The following FAR2 variants were observed in gnomAD, a reference collection of about 807,000 sequenced individuals.
The protein encoded by FAR2 is epididymis secretory protein Li 81.
FAR2 carries 19 observed loss-of-function variants against 56.0 expected under a neutral mutation model. The ratio of observed to expected loss-of-function variants is 0.34; its 90% CI spans 0.24 to 0.50. The LOEUF is 0.50. Among genes scored for constraint, FAR2 ranks in the 20% least tolerant of loss-of-function variants. The pLI, the probability that FAR2 is intolerant of heterozygous loss-of-function variation, is 0.98. For synonymous variants in FAR2, 219 were observed against 218.8 expected (o/e 1.00, Z -0.01); for missense variants, 508 against 642.2 (o/e 0.79, Z 2.26).
chr12:29,241,690 A>G (rs915666860), intron 1 of FAR2, among the ~76,000 whole-genome samples: 3 of 152,184 alleles, frequency 2.0e-5, no homozygotes, highest in African/African-American at 7.2e-5. Flanking sequence ...TCCCAGATCA[A>G]TATTTGAAAT....
chr12:29,307,386 G>C (rs535310710), intron 4 of FAR2, among the ~76,000 whole-genome samples: 2 of 146,118 alleles, frequency 1.4e-5, no homozygotes, highest in African/African-American at 2.5e-5. Flanking sequence ...TGATTCTATC[G>C]GTCTATCTAC....
intron 3 of FAR2, 37 bp downstream of exon 3, chr12:29,293,512 A>C (rs372240597): frequency 4.6e-5 from 62 of 1,343,798 alleles, no homozygotes; most frequent in Non-Finnish European, 5.6e-5. Context: ...TTGTATACAT[A>C]TGTGTGCATG....
rs11325990 is a variant in FAR2 at position 29,178,183 on chromosome 12, T to TA, written c.-39+28789dup. Among the ~76,000 whole-genome samples the TA allele has an allele frequency of 8.4e-3, 1,244 of 148,394 alleles. 21 individuals are homozygous for TA. The highest frequency in any genetic ancestry group is 0.028 in the African/African-American group (1,113 of 40,146). Reference sequence around the variant, plus strand: ...AGATTAGTTGTAACCATTATAACAATAAAAAAAAAAAAAGAAATTGGAGTA... The same window carrying TA: ...AGATTAGTTGTAACCATTATAACAATAAAAAAAAAAAAAAGAAATTGGAGTA... On this transcript the variant is annotated intron_variant, in intron 1 of 11. Coordinates refer to ENST00000536681, the MANE Select transcript of FAR2 (RefSeq NM_001271783.2).
intron 1 of FAR2, among the ~76,000 whole-genome samples, chr12:29,224,120 G>A (rs1385693060): frequency 6.6e-6 from 1 of 152,176 alleles, no homozygotes; most frequent in Non-Finnish European, 1.5e-5. Flanking sequence ...TTAAAAATAA[G>A]TACTTGGTTC....
chr12:29,165,624 C>T (rs1949819133), intron 1 of FAR2, among the ~76,000 whole-genome samples: 1 of 152,142 alleles, frequency 6.6e-6, no homozygotes, highest in South Asian at 2.1e-4. Context: ...TTAAAAGTAG[C>T]ATCATATTTG....
At chr12:29,331,620 C>A (rs1439893424) in intron 10 of FAR2, 2 of 151,948 alleles carry the variant, frequency 1.3e-5, no homozygotes, top group African/African-American at 4.8e-5. Flanking sequence ...ATTTGAAGAT[C>A]ATTTCCCTCC....
intron 1 of FAR2, chr12:29,171,232 A>T (rs1339518833): frequency 6.5e-6 from 1 of 152,876 alleles, no homozygotes; most frequent in Non-Finnish European, 1.5e-5. Context: ...AGGCACCCTC[A>T]GTCCTGTTGT....
chr12:29,228,078 A>G (rs932370716), intron 1 of FAR2, among the ~76,000 whole-genome samples: 5 of 151,858 alleles, frequency 3.3e-5, no homozygotes, highest in African/African-American at 9.7e-5. Context: ...ACATGTATAC[A>G]TATGTAACAA....
At chr12:29,292,455 T>C (rs1363380435) in intron 2 of FAR2, 3 of 152,246 alleles carry the variant, frequency 2.0e-5, no homozygotes, top group African/African-American at 7.2e-5. Context: ...ATTCAACATA[T>C]GTTTGTTGTA....
intron 1 of FAR2, among the ~76,000 whole-genome samples, chr12:29,185,264 T>C (rs1950030573): frequency 6.6e-6 from 1 of 152,342 alleles, no homozygotes; most frequent in Admixed American, 6.5e-5. Context: ...ACTGAAAATA[T>C]TAAATAACAC....
At chr12:29,180,755 A>G (rs1305703247) in intron 1 of FAR2, among the ~76,000 whole-genome samples, 1 of 151,732 alleles carries the variant, frequency 6.6e-6, no homozygotes, top group African/African-American at 2.4e-5. Flanking sequence ...CTATCTATCT[A>G]TCTATCTATC....
At chr12:29,156,013 T>A (rs1320979814) in intron 1 of FAR2, among the ~76,000 whole-genome samples, 1 of 152,174 alleles carries the variant, frequency 6.6e-6, no homozygotes, top group African/African-American at 2.4e-5. Flanking sequence ...TTAGGTGGAA[T>A]CTAAACATAT....
intron 10 of FAR2, among the ~76,000 whole-genome samples, chr12:29,324,366 G>A (rs1193800791): frequency 6.6e-6 from 1 of 152,144 alleles, no homozygotes; most frequent in Non-Finnish European, 1.5e-5. Flanking sequence ...TAGCAAGGCA[G>A]GCCAACATTC....
At chr12:29,284,268 T>C (rs755018869) in intron 2 of FAR2, among the ~76,000 whole-genome samples, 2 of 152,216 alleles carry the variant, frequency 1.3e-5, no homozygotes, top group Non-Finnish European at 2.9e-5. Flanking sequence ...TGTTAAGTTA[T>C]AGTAAAGTAT....
intron 1 of FAR2, among the ~76,000 whole-genome samples, chr12:29,215,536 T>G (rs1185328753): frequency 4.6e-5 from 7 of 152,204 alleles, no homozygotes; most frequent in Non-Finnish European, 8.8e-5. Context: ...AAATCCCACT[T>G]TCTTGGAAAC....
At chr12:29,178,641 A>G (rs1440888794) in intron 1 of FAR2, among the ~76,000 whole-genome samples, 2 of 152,112 alleles carry the variant, frequency 1.3e-5, no homozygotes, top group Non-Finnish European at 2.9e-5. Flanking sequence ...GGGGCCCAGG[A>G]CGGGGGACAG....
intron 1 of FAR2, among the ~76,000 whole-genome samples, chr12:29,174,181 C>A (rs560247616): frequency 6.6e-6 from 1 of 152,208 alleles, no homozygotes; most frequent in Non-Finnish European, 1.5e-5. Flanking sequence ...TTCTGAAGCT[C>A]CCCATATCCT....
chr12:29,330,953 C>T (rs1949722942), intron 10 of FAR2, among the ~76,000 whole-genome samples: 2 of 152,108 alleles, frequency 1.3e-5, no homozygotes, highest in Admixed American at 1.3e-4. Context: ...AAAAGAAACA[C>T]TTTTGGTGTT....
intron 2 of FAR2, among the ~76,000 whole-genome samples, chr12:29,290,814 C>T (rs1039015026): frequency 5.3e-5 from 8 of 152,006 alleles, no homozygotes; most frequent in Admixed American, 3.3e-4. Flanking sequence ...CAATTGAACT[C>T]ATGGACATAA....
Sources: allele counts gnomAD v4.1 joint callset (sites outside exome capture counted in the v4.1 genomes callset), GRCh38; gene constraint gnomAD v4.1.1; transcripts MANE v1.5; gene names NCBI Gene and HGNC (gene_info 2026-07-23, HGNC 2026-07-21).